Variants in PLA2G7 observed in about 807,000 individuals in gnomAD.
The protein encoded by PLA2G7 is phospholipase A2 group VII.
PLA2G7 carries 63 observed loss-of-function variants against 49.6 expected under a neutral mutation model. That is an observed-to-expected ratio of 1.27 (90% CI 1.04 to 1.57). The LOEUF is 1.57. PLA2G7 is among the 40% of genes most tolerant of loss of function. The pLI, the probability that PLA2G7 is intolerant of heterozygous loss-of-function variation, is 0.00. For missense variants in PLA2G7, 596 were observed against 521.2 expected, an observed-to-expected ratio of 1.14 and a Z score of -1.40; for synonymous variants, 193 against 169.9, an observed-to-expected ratio of 1.14 and a Z score of -1.06.
At chr6:46,721,105 A>G (rs1435931429) in intron 2 of PLA2G7, among the ~76,000 whole-genome samples, 7 of 152,108 alleles carry the variant, frequency 4.6e-5, no homozygotes, top group Admixed American at 6.6e-5. Context: ...CAGTGGTGCA[A>G]TCTCAGCTTA....
chr6:46,718,813 C>T (rs984144438), intron 2 of PLA2G7, among the ~76,000 whole-genome samples: 1 of 152,198 alleles, frequency 6.6e-6, no homozygotes, highest in Non-Finnish European at 1.5e-5. Context: ...CTGCATGCTA[C>T]ACTAGGCTCT....
intron 7 of PLA2G7, among the ~76,000 whole-genome samples, 169 bp from the exon 8 acceptor site, chr6:46,710,827 A>G (rs1343415030): frequency 1.3e-5 from 2 of 152,220 alleles, no homozygotes; most frequent in African/African-American, 2.4e-5. Context: ...AGCTTTGCAC[A>G]TAGGTATAGC....
intron 2 of PLA2G7, among the ~76,000 whole-genome samples, chr6:46,720,214 T>C (rs1483635097): frequency 2.0e-5 from 3 of 152,236 alleles, no homozygotes; most frequent in Admixed American, 6.5e-5. Context: ...CAGCTGCTGT[T>C]GGAGACACTA....
chr6:46,704,331 G>T lies in PLA2G7; in HGVS notation c.*229C>A. The T allele has an allele frequency of 3.8e-6, 2 of 523,850 alleles. No individual in the cohort carries two copies. Among genetic ancestry groups the T allele is most frequent in the South Asian group, 4.3e-5 (2 of 46,026 alleles). The allele number at this position is 523,850 out of a possible 1,614,324, so 32.5% of individuals were successfully genotyped here. On this transcript the variant is annotated 3_prime_UTR_variant, in exon 12 of 12. Transcript: ENST00000274793. ...TAGGCTGATATGAATATTGTATACT[G>T]TATTCTTTCTTTACATCTAAAGGGA... is the stretch of plus-strand genomic sequence containing the variant.
chr6:46,727,558 C>A (rs1202833234), intron 1 of PLA2G7, among the ~76,000 whole-genome samples: 2 of 152,152 alleles, frequency 1.3e-5, no homozygotes, highest in African/African-American at 4.8e-5. Context: ...ATATTCTAAA[C>A]CCCAGAACAT....
intron 2 of PLA2G7, among the ~76,000 whole-genome samples, chr6:46,718,984 C>T (rs1182791809): frequency 6.6e-6 from 1 of 152,226 alleles, no homozygotes; most frequent in African/African-American, 2.4e-5. Flanking sequence ...GTATTTTACT[C>T]ATCCACTCCT....
Position 46,704,478 on chromosome 6 carries a change from T to TCTCTCTCTCTCTCACA in PLA2G7, c.*81_*82insTGTGAGAGAGAGAGAG, listed in dbSNP as rs1441279240. The TCTCTCTCTCTCTCACA allele has an allele frequency of 2.3e-5, 2 of 87,848 alleles. No homozygotes were observed. Among genetic ancestry groups the TCTCTCTCTCTCTCACA allele is most frequent in the Admixed American group, 1.2e-4 (1 of 8,524 alleles). The allele number at this position is 87,848 out of a possible 1,614,324, so 5.4% of individuals were successfully genotyped here. ...CTCTCTCTCTCTCTCTCTCTCTCTC[T>TCTCTCTCTCTCTCACA]CACACACACACACACACACACACAC... On this transcript the variant is annotated 3_prime_UTR_variant, in exon 12 of 12. Coordinates refer to ENST00000274793, the MANE Select transcript of PLA2G7 (RefSeq NM_005084.4).
At chr6:46,717,179 G>T (rs972146812) in intron 2 of PLA2G7, 83 bp from the exon 3 acceptor site, 2 of 1,247,306 alleles carry the variant, frequency 1.6e-6, no homozygotes, top group Non-Finnish European at 2.4e-6. Context: ...ACGGAATCAA[G>T]TTACTTCCCA....
intron 1 of PLA2G7, among the ~76,000 whole-genome samples, chr6:46,734,401 G>GGTGTGTGTGTGT (rs371692865): frequency 8.0e-5 from 6 of 75,378 alleles, no homozygotes; most frequent in South Asian, 6.6e-4. Flanking sequence ...GGTGTGTAGT[G>GGTGTGTGTGTGT]GTGTGTGTGT....
At chr6:46,715,032 G>T (rs975010592) in intron 4 of PLA2G7, among the ~76,000 whole-genome samples, 1 of 152,136 alleles carries the variant, frequency 6.6e-6, no homozygotes, top group African/African-American at 2.4e-5. Flanking sequence ...ACCGCACCCG[G>T]CGTAAGTTCT....
chr6:46,734,447 A>T (rs868792009), intron 1 of PLA2G7, among the ~76,000 whole-genome samples: 4,683 of 77,930 alleles, frequency 0.06, 816 homozygotes, highest in African/African-American at 0.22. Flanking sequence ...AGAGAGAGAG[A>T]GAGAGAGAGA....
intron 1 of PLA2G7, among the ~76,000 whole-genome samples, chr6:46,733,051 T>A (rs1173689056): frequency 1.3e-5 from 2 of 152,148 alleles, no homozygotes; most frequent in African/African-American, 2.4e-5. Context: ...GAAATAGCCA[T>A]CTTCTTGGGT....
Position 46,717,001 on chromosome 6 carries a change from C to T in PLA2G7, c.205G>A (p.Asp69Asn). The change falls in exon 3 of 12, where the codon GAC becomes AAC. Residue 69 changes from aspartate to asparagine, a missense_variant. Physicochemically the swap from Asp to Asn is conservative, Grantham distance 23. Coordinates refer to ENST00000274793, the MANE Select transcript of PLA2G7 (RefSeq NM_005084.4). The part of the protein sequence containing the change: ...GNGPYSVGCT[D>N]LMFDHTNKGT... ...TTATTAGTGTGATCAAACATTAAGT[C>T]TGTACAACCAACGGAATAAGGCCCA... 1 of 1,613,686 alleles carries T rather than the reference C, an allele frequency of 6.2e-7. No individual in the cohort carries two copies. The highest frequency in any genetic ancestry group is 8.5e-7 in the Non-Finnish European group (1 of 1,179,610).
At position 46,704,420 on chromosome 6, in the gene PLA2G7, C is replaced by A; in HGVS notation, c.*140G>T. 1.5e-6 allele frequency: 1 copy of A among 681,008 alleles called. No homozygotes were observed. The highest frequency in any genetic ancestry group is 2.6e-6 in the Non-Finnish European group (1 of 381,390). 42.2% of individuals were successfully genotyped at this position (681,008 alleles called of 1,614,324 possible). On this transcript the variant is annotated 3_prime_UTR_variant, in exon 12 of 12. Transcript: ENST00000274793. Reference sequence around the variant, plus strand: ...TAGCCTACATTTTAAAATATGAGTCCTTTGGGAAAATACATTAAAATTCTC... The same window carrying A: ...TAGCCTACATTTTAAAATATGAGTCATTTGGGAAAATACATTAAAATTCTC...
In PLA2G7 at chr6:46,705,134, G is replaced by GA. The variant is rs1562065940; in HGVS notation, c.1189+18dup. The GA allele has an allele frequency of 1.9e-6, 3 of 1,581,520 alleles. No homozygotes were observed. The highest frequency in any genetic ancestry group is 1.1e-5 in the South Asian group (1 of 90,320). Reference sequence around the variant, plus strand: ...CTGAGATTCATCTGGTTTAGGTCATGAAAAAAATAGTTTCTTACCTAAATG... The same window carrying GA: ...CTGAGATTCATCTGGTTTAGGTCATGAAAAAAAATAGTTTCTTACCTAAATG... On this transcript the variant is annotated intron_variant, in intron 11 of 11. Transcript: ENST00000274793.
intron 1 of PLA2G7, among the ~76,000 whole-genome samples, chr6:46,730,678 G>C (rs1225019368): frequency 1.3e-5 from 2 of 152,066 alleles, no homozygotes; most frequent in African/African-American, 2.4e-5. Flanking sequence ...TCATCTGATT[G>C]CTTCCAAGAA....
chr6:46,715,061 C>G (rs1455079144), intron 4 of PLA2G7, among the ~76,000 whole-genome samples: 1 of 152,110 alleles, frequency 6.6e-6, no homozygotes, highest in Non-Finnish European at 1.5e-5. Flanking sequence ...ACCATAGGAT[C>G]ATTAACGATG....
intron 1 of PLA2G7, among the ~76,000 whole-genome samples, chr6:46,731,066 A>G (rs1765720304): frequency 6.6e-6 from 1 of 152,206 alleles, no homozygotes; most frequent in African/African-American, 2.4e-5. Flanking sequence ...CAAATGAGGA[A>G]GAGCTTTTTT....
chr6:46,704,328 A>G lies in PLA2G7; in HGVS notation c.*232T>C, dbSNP rs202144766. ...ATTTAGGCTGATATGAATATTGTAT[A>G]CTGTATTCTTTCTTTACATCTAAAG... On this transcript the variant is annotated 3_prime_UTR_variant, in exon 12 of 12. Coordinates refer to ENST00000274793, the MANE Select transcript of PLA2G7 (RefSeq NM_005084.4). The G allele has an allele frequency of 7.4e-5, 38 of 516,276 alleles. No individual in the cohort carries two copies. The highest frequency in any genetic ancestry group is 1.1e-4 in the Non-Finnish European group (32 of 286,262). 32.0% of individuals were successfully genotyped at this position (516,276 alleles called of 1,614,324 possible).
Sources: gnomAD v4.1 joint callset for allele counts (sites outside exome capture counted in the v4.1 genomes callset) on GRCh38, gnomAD v4.1.1 for gene constraint, MANE v1.5 for transcripts, NCBI Gene and HGNC (gene_info 2026-07-23, HGNC 2026-07-21) for gene names.